The following CDKL1 variants were observed in gnomAD, a reference collection of about 807,000 sequenced individuals.
The protein encoded by CDKL1 is cyclin-dependent kinase-like 1.
CDKL1 carries 41 observed loss-of-function variants against 42.0 expected under a neutral mutation model. That is an observed-to-expected ratio of 0.98 (90% CI 0.76 to 1.27). The LOEUF is 1.27. CDKL1 is among the 50% of genes most tolerant of loss of function. The probability of loss-of-function intolerance (pLI) is 0.00; values close to 1 mark genes in which losing one functional copy is unlikely to be tolerated. For missense variants in CDKL1, 394 were observed against 428.4 expected (o/e 0.92, Z 0.71); for synonymous variants, 153 against 158.6 (o/e 0.96, Z 0.26).
chr14:50,371,948 G>T (rs890397916), intron 2 of CDKL1, among the ~76,000 whole-genome samples: 6 of 152,206 alleles, frequency 3.9e-5, no homozygotes, highest in African/African-American at 1.4e-4. Context: ...CATGCTCAGG[G>T]ACATGCTGAC....
intron 2 of CDKL1, among the ~76,000 whole-genome samples, chr14:50,388,597 C>A (rs148840874): frequency 6.6e-6 from 1 of 152,220 alleles, no homozygotes; most frequent in South Asian, 2.1e-4. Context: ...TGTTTACTCC[C>A]TTTGACCCTC....
chr14:50,341,204 G>A lies in CDKL1; in HGVS notation c.483C>T (p.Tyr161=), dbSNP rs954884529. 30 of 1,613,970 alleles carry A rather than the reference G, an allele frequency of 1.9e-5. No individual in the cohort carries two copies. Among genetic ancestry groups the A allele is most frequent in the Non-Finnish European group, 2.3e-5 (27 of 1,179,948 alleles). Residue 161 remains tyrosine, a synonymous_variant, in exon 6 of 10, where the codon TAC becomes TAT. Transcript: ENST00000395834. The stretch of plus-strand genomic sequence containing the variant: ...GGGAGCGGTACCACCTGGTAGCCAC[G>A]TAGTCTGTATAGTAGTCACTCGGTC... ...LTGPSDYYTD[Y]VATRWYRSPE...
At position 50,329,833 on chromosome 14, in the gene CDKL1, A is replaced by G; in HGVS notation, c.*241T>C. The G allele has an allele frequency of 2.2e-6, 1 of 454,704 alleles. No homozygotes were observed. Among genetic ancestry groups the G allele is most frequent in the Non-Finnish European group, 3.9e-6 (1 of 257,392 alleles). The allele number at this position is 454,704 out of a possible 1,614,324, so 28.2% of individuals were successfully genotyped here. ...TCTGTCCATAAGTTCGGCTACTTAC[A>G]TAAACTGAAATACAAGTGCAACTCC... On this transcript the variant is annotated 3_prime_UTR_variant, in exon 10 of 10. Coordinates refer to ENST00000395834, the MANE Select transcript of CDKL1 (RefSeq NM_004196.7).
At chr14:50,371,084 TCTC>T (rs2034578271) in intron 2 of CDKL1, among the ~76,000 whole-genome samples, 1 of 152,340 alleles carries the variant, frequency 6.6e-6, no homozygotes, top group African/African-American at 2.4e-5. Context: ...GTCAGAATTT[TCTC>T]CTTTTTTAAG....
At chr14:50,358,250 G>C (rs887574657) in intron 3 of CDKL1, 6 of 815,456 alleles carry the variant, frequency 7.4e-6, no homozygotes, top group Non-Finnish European at 9.9e-6. Flanking sequence ...TGCTTCAGTT[G>C]GGTTTTTGTC....
intron 4 of CDKL1, among the ~76,000 whole-genome samples, chr14:50,344,229 G>A (rs577290132): frequency 1.2e-3 from 189 of 152,250 alleles, no homozygotes; most frequent in Non-Finnish European, 2.5e-3. Context: ...TGCTTGGTTC[G>A]AGACTCGACA....
At chr14:50,341,454 T>TCGGG (rs1447152998) in intron 5 of CDKL1, among the ~76,000 whole-genome samples, 1 of 7,082 alleles carries the variant, frequency 1.4e-4, no homozygotes, top group Non-Finnish European at 2.7e-4. Context: ...CTGGGGAGGG[T>TCGGG]CTGGGGGGGG....
At chr14:50,383,082 C>T (rs1265524735) in intron 2 of CDKL1, among the ~76,000 whole-genome samples, 1 of 152,076 alleles carries the variant, frequency 6.6e-6, no homozygotes, top group Non-Finnish European at 1.5e-5. Context: ...CGTGTGCCAC[C>T]ACGCCTGGCT....
intron 2 of CDKL1, among the ~76,000 whole-genome samples, chr14:50,382,633 C>T (rs1342230729): frequency 2.1e-5 from 3 of 145,948 alleles, no homozygotes; most frequent in Non-Finnish European, 4.5e-5. Flanking sequence ...CTCACTCTGT[C>T]ACCCAGGTGG....
intron 2 of CDKL1, among the ~76,000 whole-genome samples, chr14:50,371,533 G>T (rs543489377): frequency 1.3e-5 from 2 of 152,338 alleles, no homozygotes; most frequent in Admixed American, 1.3e-4. Flanking sequence ...TCTTTTGAGA[G>T]ATGTCCATTC....
chr14:50,379,502 A>G (rs1428808933), intron 2 of CDKL1, among the ~76,000 whole-genome samples: 1 of 152,186 alleles, frequency 6.6e-6, no homozygotes, highest in African/African-American at 2.4e-5. Flanking sequence ...GGTTCTGATG[A>G]AAGTGATAAG....
intron 3 of CDKL1, among the ~76,000 whole-genome samples, chr14:50,352,758 C>G (rs1418981195): frequency 1.3e-5 from 2 of 152,172 alleles, no homozygotes; most frequent in Non-Finnish European, 2.9e-5. Flanking sequence ...CACAGACACT[C>G]AATTTTGTCA....
At chr14:50,359,226 T>C (rs774191877) in intron 2 of CDKL1, 77 bp from the exon 3 acceptor site, 71 of 1,505,318 alleles carry the variant, frequency 4.7e-5, no homozygotes, top group Non-Finnish European at 6.0e-5. Context: ...CAATAAAAAG[T>C]AAGTTGTTTG....
At chr14:50,342,692 T>C (rs1258345641) in intron 4 of CDKL1, 10 of 298,216 alleles carry the variant, frequency 3.4e-5, no homozygotes, top group Non-Finnish European at 5.1e-5. Flanking sequence ...TGCATCATGG[T>C]TGCAGGAGCT....
chr14:50,333,797 T>C (rs2033100833), intron 8 of CDKL1: 1 of 152,002 alleles, frequency 6.6e-6, no homozygotes, highest in African/African-American at 2.4e-5. Flanking sequence ...AGTAAATAAA[T>C]AATTTTTAAA....
intron 3 of CDKL1, among the ~76,000 whole-genome samples, chr14:50,356,441 G>A (rs1277888149): frequency 4.6e-5 from 7 of 152,070 alleles, no homozygotes; most frequent in Non-Finnish European, 8.8e-5. Context: ...GTTTTCATAC[G>A]ATGATAGACT....
At chr14:50,379,616 T>C (rs2034844433) in intron 2 of CDKL1, among the ~76,000 whole-genome samples, 2 of 152,172 alleles carry the variant, frequency 1.3e-5, no homozygotes, top group Admixed American at 1.3e-4. Context: ...TCTGTGCTAA[T>C]AATGCACAGG....
rs140140297 is a variant in CDKL1 at position 50,395,690 on chromosome 14, G to A, written c.168+11C>T. 467 of 1,574,474 alleles carry A rather than the reference G, an allele frequency of 3.0e-4. 2 individuals carry two copies. In the African/African-American group the frequency reaches 5.7e-3, roughly 19 times the overall value. On this transcript the variant is annotated intron_variant, in intron 2 of 9. Coordinates refer to ENST00000395834, the MANE Select transcript of CDKL1 (RefSeq NM_004196.7). ...TCGAAAAAGAAAAAAAAGGAAAAGT[G>A]AATCAATTACCTTGAGCATTCGGAT...
intron 2 of CDKL1, among the ~76,000 whole-genome samples, chr14:50,370,082 T>C (rs547550100): frequency 5.3e-5 from 8 of 151,534 alleles, no homozygotes; most frequent in African/African-American, 1.7e-4. Context: ...TTTTTTTTTT[T>C]CTTTGAGACA....
Sources: gnomAD v4.1 joint callset for allele counts (sites outside exome capture counted in the v4.1 genomes callset) on GRCh38, gnomAD v4.1.1 for gene constraint, MANE v1.5 for transcripts, NCBI Gene and HGNC (gene_info 2026-07-23, HGNC 2026-07-21) for gene names.